TCEA1: variants seen among roughly 807,000 people sequenced by gnomAD.
The protein encoded by TCEA1 is transcription elongation factor A protein 1.
In TCEA1, 21 loss-of-function variants were observed where a neutral mutation model predicts 43.8. The observed-to-expected ratio is 0.48, with a 90% CI of 0.34 to 0.69. TCEA1 has a LOEUF of 0.69. Ranked by LOEUF, TCEA1 falls within the 30% of genes least tolerant of loss-of-function variation. The pLI is 0.01. For synonymous variants in TCEA1, 104 were observed against 117.5 expected (o/e 0.88, Z 0.75); for missense variants, 250 against 365.1 (o/e 0.68, Z 2.57).
intron 8 of TCEA1, among the ~76,000 whole-genome samples, chr8:53,975,215 A>G (rs1022374654): frequency 3.9e-5 from 6 of 152,242 alleles, no homozygotes; most frequent in African/African-American, 1.2e-4. Flanking sequence ...TAGTTTTTAC[A>G]GTACTTAATT....
At chr8:53,999,011 A>C (rs559633903) in intron 3 of TCEA1, among the ~76,000 whole-genome samples, 2 of 152,052 alleles carry the variant, frequency 1.3e-5, no homozygotes, top group Admixed American at 6.6e-5. Context: ...GGCAGATCAC[A>C]AGGTCAGGTG....
chr8:53,987,259 AG>A (rs1454920231), intron 5 of TCEA1, among the ~76,000 whole-genome samples: 1 of 152,230 alleles, frequency 6.6e-6, no homozygotes, highest in Non-Finnish European at 1.5e-5. Context: ...CCTCAGGCAC[AG>A]GAAGTAACTG....
At chr8:54,020,568 T>A (rs1412303097) in intron 1 of TCEA1, among the ~76,000 whole-genome samples, 1 of 152,230 alleles carries the variant, frequency 6.6e-6, no homozygotes, top group Non-Finnish European at 1.5e-5. Flanking sequence ...GTGGAAAGCA[T>A]GCTGTCCAGA....
intron 8 of TCEA1, among the ~76,000 whole-genome samples, chr8:53,977,957 A>C (rs1050122726): frequency 6.6e-6 from 1 of 152,226 alleles, no homozygotes; most frequent in Non-Finnish European, 1.5e-5. Context: ...CCTAGTAACC[A>C]ATACAATTGC....
chr8:53,967,744 A>G lies in TCEA1; in HGVS notation c.*360T>C, dbSNP rs1803026690. Reference sequence around the variant, plus strand: ...AAAAATGTATTTTCATTTATGTATTAATAACAGAGAGTAACAGAATTTCTA... The same window carrying G: ...AAAAATGTATTTTCATTTATGTATTGATAACAGAGAGTAACAGAATTTCTA... On this transcript the variant is annotated 3_prime_UTR_variant, in exon 10 of 10. Coordinates refer to ENST00000521604, the MANE Select transcript of TCEA1 (RefSeq NM_006756.4). 3 of 243,600 alleles carry G rather than the reference A, an allele frequency of 1.2e-5. No homozygotes were observed. In the East Asian group the frequency reaches 1.9e-4, roughly 15 times the overall value. 15.1% of individuals were successfully genotyped at this position (243,600 alleles called of 1,614,324 possible).
At chr8:54,020,478 G>A (rs904908973) in intron 1 of TCEA1, among the ~76,000 whole-genome samples, 1 of 152,130 alleles carries the variant, frequency 6.6e-6, no homozygotes, top group Admixed American at 6.5e-5. Context: ...CAATGCACCT[G>A]TTAAAGGAAA....
intron 2 of TCEA1, among the ~76,000 whole-genome samples, chr8:54,003,666 T>A (rs1804346364): frequency 6.6e-6 from 1 of 152,146 alleles, no homozygotes; most frequent in Admixed American, 6.6e-5. Context: ...AACCTGAACC[T>A]CTTCCTTATA....
chr8:53,994,949 T>C (rs7007028), intron 3 of TCEA1, among the ~76,000 whole-genome samples: 25,667 of 151,930 alleles, frequency 0.17, 6,136 homozygotes, highest in African/African-American at 0.54. Flanking sequence ...AATATTTCAA[T>C]AGCCCAAAGA....
intron 1 of TCEA1, 118 bp from the exon 2 acceptor site, chr8:54,010,610 G>C: frequency 1.4e-6 from 1 of 712,714 alleles, no homozygotes; most frequent in Non-Finnish European, 2.3e-6. Flanking sequence ...ATCAGATAAG[G>C]AGCAACAGCA....
At chr8:54,001,847 C>A (rs1451105521) in intron 2 of TCEA1, among the ~76,000 whole-genome samples, 1 of 151,578 alleles carries the variant, frequency 6.6e-6, no homozygotes, top group Non-Finnish European at 1.5e-5. Context: ...ATTGTCAAGC[C>A]AAAATAATAA....
chr8:53,969,405 T>C (rs1470656726), intron 9 of TCEA1, among the ~76,000 whole-genome samples: 1 of 152,166 alleles, frequency 6.6e-6, no homozygotes, highest in Non-Finnish European at 1.5e-5. Flanking sequence ...CCCAAATGGC[T>C]TCTAGTTCAT....
At chr8:53,989,527 A>G (rs1169364852) in intron 4 of TCEA1, among the ~76,000 whole-genome samples, 1 of 152,178 alleles carries the variant, frequency 6.6e-6, no homozygotes, top group Non-Finnish European at 1.5e-5. Flanking sequence ...TTTTAAATTT[A>G]GTCAGTTCCT....
intron 3 of TCEA1, among the ~76,000 whole-genome samples, chr8:53,994,122 A>G (rs1403118148): frequency 2.0e-4 from 30 of 152,338 alleles, no homozygotes; most frequent in Admixed American, 1.9e-3. Flanking sequence ...GAGGCTGTGG[A>G]TCACTTGAGC....
intron 7 of TCEA1, among the ~76,000 whole-genome samples, chr8:53,982,613 CA>C (rs558788906): frequency 5.1e-3 from 295 of 57,804 alleles, no homozygotes; most frequent in African/African-American, 0.015. Flanking sequence ...CATTCCCCAC[CA>C]AAAAAAAAAA....
chr8:54,018,503 T>C (rs1804912897), intron 1 of TCEA1, among the ~76,000 whole-genome samples: 1 of 152,198 alleles, frequency 6.6e-6, no homozygotes, highest in South Asian at 2.1e-4. Context: ...ACGAGAAACA[T>C]TTTAGTGATG....
At chr8:53,996,903 C>CTTTTTTTTTTTT (rs754537318) in intron 3 of TCEA1, among the ~76,000 whole-genome samples, 11,874 of 115,784 alleles carry the variant, frequency 0.1, 2,750 homozygotes, top group African/African-American at 0.38. Flanking sequence ...AGAAGGTTGT[C>CTTTTTTTTTTTT]TTTTTTTTTT....
intron 1 of TCEA1, among the ~76,000 whole-genome samples, chr8:54,017,095 A>G (rs1804855904): frequency 6.6e-6 from 1 of 152,184 alleles, no homozygotes; most frequent in Non-Finnish European, 1.5e-5. Flanking sequence ...ACACAGACAG[A>G]AAGTATATTA....
chr8:53,970,016 G>GA (rs1010406067), intron 9 of TCEA1, among the ~76,000 whole-genome samples: 8 of 151,580 alleles, frequency 5.3e-5, no homozygotes, highest in African/African-American at 1.9e-4. Context: ...TTCAACAAGG[G>GA]AAAAAAAATT....
chr8:53,968,155 A>C, intron 9 of TCEA1, 43 bp from the exon 10 acceptor site: 1 of 1,468,364 alleles, frequency 6.8e-7, no homozygotes, highest in South Asian at 1.3e-5. Flanking sequence ...TTTAAATACC[A>C]ATAAGGTACA....
Sources: gnomAD v4.1 joint callset for allele counts (sites outside exome capture counted in the v4.1 genomes callset) on GRCh38, gnomAD v4.1.1 for gene constraint, MANE v1.5 for transcripts, NCBI Gene and HGNC (gene_info 2026-07-23, HGNC 2026-07-21) for gene names.